VPS13D: variants seen among roughly 807,000 people sequenced by gnomAD.
VPS13D encodes vacuolar protein sorting 13 homolog D.
VPS13D carries 187 observed loss-of-function variants against 461.9 expected under a neutral mutation model. The observed-to-expected ratio is 0.40, with a 90% CI of 0.36 to 0.46. The LOEUF (loss-of-function observed/expected upper bound fraction) is 0.46, where lower values mean the gene tolerates loss of function less well. Among genes scored for constraint, VPS13D ranks in the 20% least tolerant of loss-of-function variants. The pLI is 0.60. For synonymous variants in VPS13D, 1,951 were observed against 1,986.3 expected (o/e 0.98, Z 0.47); for missense variants, 4,711 against 5,364.9 (o/e 0.88, Z 3.81).
At chr1:12,353,612 A>T (rs1416036526) in intron 46 of VPS13D, among the ~76,000 whole-genome samples, 6 of 151,744 alleles carry the variant, frequency 4.0e-5, no homozygotes, top group African/African-American at 1.2e-4. Flanking sequence ...ATGCAGTTCT[A>T]TAACAGAAAC....
intron 52 of VPS13D, among the ~76,000 whole-genome samples, chr1:12,365,990 A>G (rs1366046961): frequency 6.6e-6 from 1 of 151,938 alleles, no homozygotes; most frequent in African/African-American, 2.4e-5. Context: ...TGTGACTTTG[A>G]ACACCTAGGC....
At chr1:12,427,242 TTTATTATTATTATTA>T (rs55913483) in intron 65 of VPS13D, among the ~76,000 whole-genome samples, 15 of 128,766 alleles carry the variant, frequency 1.2e-4, no homozygotes, top group Admixed American at 3.9e-4. Flanking sequence ...TTGTCATTAT[TTTATTATTATTATTA>T]TTATTATTAT....
At position 12,311,504 on chromosome 1, in the gene VPS13D, C is replaced by T; in HGVS notation, c.6701C>T (p.Ser2234Leu). Reference sequence around the variant, plus strand: ...ATATCTATCCATGGCAATCTCTCCTCAGTCCACTGCTCTCTGGATCTGTAT... The same window carrying T: ...ATATCTATCCATGGCAATCTCTCCTTAGTCCACTGCTCTCTGGATCTGTAT... ...PDISIHGNLS[S>L]VHCSLDLYKY... Residue 2234 changes from serine (S) to leucine (L), a missense_variant, in exon 28 of 70, where the codon TCA (serine) becomes TTA (leucine). Physicochemically the swap from Ser to Leu is moderately radical, Grantham distance 145 (BLOSUM62 -2). Around this residue, in one of 3 missense-constraint regions of VPS13D, gnomAD observed 4,411 missense variants for 4,937.8 expected, o/e 0.89. Transcript: ENST00000620676. 2 of 1,614,136 alleles carry T rather than the reference C, an allele frequency of 1.2e-6. No homozygotes were observed. Among genetic ancestry groups the T allele is most frequent in the South Asian group, 1.1e-5 (1 of 91,070 alleles).
chr1:12,351,837 C>T (rs1643803769), intron 46 of VPS13D, among the ~76,000 whole-genome samples: 2 of 151,622 alleles, frequency 1.3e-5, no homozygotes, highest in African/African-American at 4.8e-5. Context: ...AGCAGTCTGC[C>T]CACTTTGGCC....
chr1:12,323,949 C>G (rs781452747), intron 35 of VPS13D, among the ~76,000 whole-genome samples, 169 bp downstream of exon 35: 4 of 152,170 alleles, frequency 2.6e-5, no homozygotes, highest in Non-Finnish European at 4.4e-5. Context: ...AATAACGTCA[C>G]CCAGGCTGGA....
In VPS13D at chr1:12,341,883, C is replaced by T; in HGVS notation, c.8730C>T (p.Thr2910=). The change falls in exon 41 of 70, where the codon ACC becomes ACT. Residue 2910 remains threonine, a splice_region_variant and synonymous_variant. Transcript: ENST00000620676. ...LWFATLTTTP[T]RAALSHSGSP... ...TTGCCACCCTGACCACCACACCCAC[C>T]AGGTAAGCAGTCAGTTTATATTACC... The T allele has an allele frequency of 6.2e-7, 1 of 1,613,942 alleles. No individual in the cohort carries two copies. Among genetic ancestry groups the T allele is most frequent in the Non-Finnish European group, 8.5e-7 (1 of 1,179,892 alleles).
intron 42 of VPS13D, among the ~76,000 whole-genome samples, chr1:12,344,413 G>GA (rs1032307963): frequency 1.2e-4 from 18 of 149,568 alleles, no homozygotes; most frequent in South Asian, 2.1e-4. Context: ...ATTTTATAGG[G>GA]AAAAAAAAAA....
intron 6 of VPS13D, among the ~76,000 whole-genome samples, chr1:12,251,209 G>A (rs187004497): frequency 3.9e-5 from 6 of 152,402 alleles, no homozygotes; most frequent in African/African-American, 1.4e-4. Context: ...TTATGGAAGA[G>A]CGTGCCATCC....
At chr1:12,340,619 ATTCAGTTT>A (rs1643547613) in intron 40 of VPS13D, among the ~76,000 whole-genome samples, 1 of 152,194 alleles carries the variant, frequency 6.6e-6, no homozygotes, top group African/African-American at 2.4e-5. Context: ...TGTAGGATGA[ATTCAGTTT>A]TGCCTTAGTG....
chr1:12,236,281 C>T (rs1368103235), intron 2 of VPS13D, among the ~76,000 whole-genome samples: 3 of 152,104 alleles, frequency 2.0e-5, no homozygotes, highest in Non-Finnish European at 2.9e-5. Flanking sequence ...TGGAATTGTA[C>T]TGAGGGAATG....
chr1:12,456,636 C>CAAAAAAAAAAAAAAA (rs367987300), intron 66 of VPS13D, among the ~76,000 whole-genome samples: 1 of 83,654 alleles, frequency 1.2e-5, no homozygotes, highest in Non-Finnish European at 2.4e-5. Flanking sequence ...GACTCCAATT[C>CAAAAAAAAAAAAAAA]AAAAAAAAAA....
Position 12,381,980 on chromosome 1 carries a change from T to TTCTTTCTTTCTC in VPS13D, c.11191-993_11191-992insTTCTTTCTCTCT, listed in dbSNP as rs1318974573. Among the ~76,000 whole-genome samples the TTCTTTCTTTCTC allele has an allele frequency of 9.8e-4, 129 of 131,122 alleles. 1 individual carries two copies. The highest frequency in any genetic ancestry group is 3.7e-3 in the Middle Eastern group (1 of 272). 86.0% of individuals were successfully genotyped at this position (131,122 alleles called of 152,430 possible). On this transcript the variant is annotated intron_variant, in intron 57 of 69. Coordinates refer to ENST00000620676, the MANE Select transcript of VPS13D (RefSeq NM_015378.4). ...TTTCTTTCTTTCTTTCTTTCTTTCT[T>TTCTTTCTTTCTC]TCTCTCTCTCTCTCTCCTTCCTTCC...
intron 63 of VPS13D, among the ~76,000 whole-genome samples, 180 bp downstream of exon 63, chr1:12,404,153 G>A (rs368852523): frequency 2.1e-5 from 3 of 140,090 alleles, no homozygotes; most frequent in East Asian, 2.1e-4. Context: ...ATTGACTTAC[G>A]TGTATTTGTC....
intron 32 of VPS13D, among the ~76,000 whole-genome samples, chr1:12,320,592 C>T (rs1413517472): frequency 6.6e-6 from 1 of 152,110 alleles, no homozygotes; most frequent in Admixed American, 6.5e-5. Flanking sequence ...GTAAAGAAAC[C>T]TCCGTTTGAG....
At chr1:12,358,434 A>C in intron 49 of VPS13D, 25 bp from the exon 50 acceptor site, 1 of 1,612,944 alleles carries the variant, frequency 6.2e-7, no homozygotes, top group Non-Finnish European at 8.5e-7. Flanking sequence ...ATGAATATCT[A>C]CATCTTTGCT....
intron 63 of VPS13D, among the ~76,000 whole-genome samples, chr1:12,406,377 A>G (rs1041764467): frequency 6.6e-6 from 1 of 152,194 alleles, no homozygotes; most frequent in Non-Finnish European, 1.5e-5. Flanking sequence ...TGCTTAGAAA[A>G]TGGAGTCCTG....
At chr1:12,281,990 C>T (rs941183304) in intron 20 of VPS13D, among the ~76,000 whole-genome samples, 5 of 151,812 alleles carry the variant, frequency 3.3e-5, no homozygotes, top group Admixed American at 6.6e-5. Context: ...TGGGCTCAAG[C>T]GGTCCTCCCA....
Position 12,366,245 on chromosome 1 carries a change from A to G in VPS13D, c.10449-2223A>G, listed in dbSNP as rs187278702. ...TTTATATTTGACTTTTAAATGTATTATCTAATTCAATAGTGAGCCCTTCTT... is the reference window on the plus strand; with the variant it reads ...TTTATATTTGACTTTTAAATGTATTGTCTAATTCAATAGTGAGCCCTTCTT... On this transcript the variant is annotated intron_variant, in intron 52 of 69. Transcript: ENST00000620676. 5.6e-3 allele frequency among the ~76,000 whole-genome samples: 849 copies of G among 152,258 alleles called. 7 individuals are homozygous for G. Among genetic ancestry groups the G allele is most frequent in the African/African-American group, 0.019 (772 of 41,520 alleles).
At chr1:12,361,206 AATTATT>A (rs758455206) in intron 50 of VPS13D, among the ~76,000 whole-genome samples, 3 of 152,030 alleles carry the variant, frequency 2.0e-5, no homozygotes, top group Admixed American at 1.3e-4. Flanking sequence ...AGAGACCAGT[AATTATT>A]ATTATTGTTG....
Sources: allele counts gnomAD v4.1 joint callset (sites outside exome capture counted in the v4.1 genomes callset), GRCh38; gene constraint gnomAD v4.1.1; regional missense constraint gnomAD v4.1.1; transcripts MANE v1.5; gene names NCBI Gene and HGNC (gene_info 2026-07-23, HGNC 2026-07-21).